The following HS3ST3A1 variants were observed in gnomAD, a reference collection of about 807,000 sequenced individuals.
HS3ST3A1 encodes heparan sulfate glucosamine 3-O-sulfotransferase 3A1.
A neutral mutation model predicts 25.7 loss-of-function variants in HS3ST3A1; 19 were observed. That is an observed-to-expected ratio of 0.74 (90% CI 0.52 to 1.08). The LOEUF is 1.08. Ranked by LOEUF, HS3ST3A1 falls within the 50% of genes least tolerant of loss-of-function variation. The pLI is 0.00. For synonymous variants in HS3ST3A1, 226 were observed against 278.6 expected (o/e 0.81, Z 1.88); for missense variants, 459 against 594.3 (o/e 0.77, Z 2.37).
intron 1 of HS3ST3A1, among the ~76,000 whole-genome samples, chr17:13,595,083 C>G (rs1908540557): frequency 6.7e-6 from 1 of 148,738 alleles, no homozygotes; most frequent in South Asian, 2.1e-4. Context: ...TTAAACACTT[C>G]CCCGTCTCTT....
chr17:13,526,348 G>A (rs9903786), intron 1 of HS3ST3A1, among the ~76,000 whole-genome samples: 67,363 of 150,366 alleles, frequency 0.45, 15,631 homozygotes, highest in African/African-American at 0.58. Flanking sequence ...TTCTTTTTCC[G>A]TTACTGACAG....
At chr17:13,552,665 C>T (rs1190154963) in intron 1 of HS3ST3A1, among the ~76,000 whole-genome samples, 1 of 152,166 alleles carries the variant, frequency 6.6e-6, no homozygotes, top group Non-Finnish European at 1.5e-5. Flanking sequence ...GTTGGAGGAA[C>T]AGTGCTGAAC....
chr17:13,528,841 G>T (rs181189528), intron 1 of HS3ST3A1, among the ~76,000 whole-genome samples: 1 of 151,894 alleles, frequency 6.6e-6, no homozygotes. Context: ...TTCAAGCAGC[G>T]GGATGGACAC....
intron 1 of HS3ST3A1, among the ~76,000 whole-genome samples, chr17:13,566,242 T>C (rs1048764462): frequency 2.0e-5 from 3 of 152,196 alleles, no homozygotes; most frequent in African/African-American, 7.2e-5. Context: ...GTATCTGTTA[T>C]GGTGATCTGT....
chr17:13,585,977 T>C lies in HS3ST3A1; in HGVS notation c.599+14554A>G, dbSNP rs144823064. ...CAATTCCCCTACCTCAGCCTCCAAG[T>C]AGCTGGGACTACGGGCGCGGACTAC... On this transcript the variant is annotated intron_variant, in intron 1 of 1. Coordinates refer to ENST00000284110, the MANE Select transcript of HS3ST3A1 (RefSeq NM_006042.3). Among the ~76,000 whole-genome samples the C allele has an allele frequency of 7.4e-3, 1,124 of 151,200 alleles. 7 individuals carry two copies. The highest frequency in any genetic ancestry group is 0.031 in the Middle Eastern group (9 of 292).
intron 1 of HS3ST3A1, among the ~76,000 whole-genome samples, chr17:13,511,445 C>A (rs1168932981): frequency 2.0e-5 from 3 of 152,054 alleles, no homozygotes; most frequent in Non-Finnish European, 2.9e-5. Context: ...TCCAGTGCTT[C>A]CTATCAGAGA....
intron 1 of HS3ST3A1, among the ~76,000 whole-genome samples, chr17:13,502,546 T>C (rs1387739194): frequency 6.6e-6 from 1 of 152,210 alleles, no homozygotes; most frequent in Non-Finnish European, 1.5e-5. Context: ...CCATTTGCCC[T>C]GAATTCTCAT....
intron 1 of HS3ST3A1, among the ~76,000 whole-genome samples, chr17:13,541,055 C>A (rs2142344131): frequency 6.6e-6 from 1 of 152,256 alleles, no homozygotes; most frequent in Admixed American, 6.5e-5. Flanking sequence ...TTGTTTTAAA[C>A]TGAAAGCTAT....
At chr17:13,513,997 C>A (rs1472364949) in intron 1 of HS3ST3A1, among the ~76,000 whole-genome samples, 1 of 152,012 alleles carries the variant, frequency 6.6e-6, no homozygotes, top group Non-Finnish European at 1.5e-5. Context: ...TAAATTGCTT[C>A]TAGTAAGCAT....
intron 1 of HS3ST3A1, among the ~76,000 whole-genome samples, chr17:13,579,570 G>A (rs563989141): frequency 8.4e-4 from 127 of 151,574 alleles, no homozygotes; most frequent in Middle Eastern, 3.4e-3. Flanking sequence ...GGCAGGTGGC[G>A]CATACCTGTA....
chr17:13,579,504 C>T (rs1291204315), intron 1 of HS3ST3A1, among the ~76,000 whole-genome samples: 1 of 151,682 alleles, frequency 6.6e-6, no homozygotes, highest in East Asian at 1.9e-4. Context: ...AGTTCCAGAC[C>T]AACCTGGCCA....
intron 1 of HS3ST3A1, among the ~76,000 whole-genome samples, chr17:13,531,539 C>T (rs1281038384): frequency 6.6e-6 from 1 of 151,700 alleles, no homozygotes; most frequent in Non-Finnish European, 1.5e-5. Context: ...TCTCCTTCCC[C>T]ACCCCCACCC....
At chr17:13,556,902 G>A (rs1034836156) in intron 1 of HS3ST3A1, among the ~76,000 whole-genome samples, 5 of 149,096 alleles carry the variant, frequency 3.4e-5, no homozygotes, top group African/African-American at 1.2e-4. Flanking sequence ...AATGCACTCA[G>A]AAACTCAATG....
At chr17:13,557,624 G>A (rs1907417240) in intron 1 of HS3ST3A1, among the ~76,000 whole-genome samples, 1 of 152,024 alleles carries the variant, frequency 6.6e-6, no homozygotes, top group African/African-American at 2.4e-5. Context: ...GAGGTGAGCA[G>A]GAAAAAAGGA....
At chr17:13,596,071 A>G (rs962402959) in intron 1 of HS3ST3A1, among the ~76,000 whole-genome samples, 2 of 152,160 alleles carry the variant, frequency 1.3e-5, no homozygotes, top group East Asian at 1.9e-4. Context: ...TATTTTGGCC[A>G]GGGTATTTTC....
At chr17:13,582,528 C>T (rs1290122335) in intron 1 of HS3ST3A1, among the ~76,000 whole-genome samples, 1 of 152,144 alleles carries the variant, frequency 6.6e-6, no homozygotes, top group Non-Finnish European at 1.5e-5. Flanking sequence ...GCTTTATTTG[C>T]TTTTTTATAA....
chr17:13,536,340 TA>T (rs935724035), intron 1 of HS3ST3A1, among the ~76,000 whole-genome samples: 40 of 152,322 alleles, frequency 2.6e-4, no homozygotes, highest in Admixed American at 2.0e-3. Context: ...AGTCAAGGGC[TA>T]ATTTATGGAA....
intron 1 of HS3ST3A1, among the ~76,000 whole-genome samples, chr17:13,541,883 A>C (rs925947354): frequency 3.9e-5 from 6 of 152,192 alleles, no homozygotes; most frequent in Non-Finnish European, 8.8e-5. Context: ...GTTTCTGTAC[A>C]TGTAGTAAAG....
chr17:13,591,661 C>CTTTT lies in HS3ST3A1; in HGVS notation c.599+8866_599+8869dup, dbSNP rs34995100. On this transcript the variant is annotated intron_variant, in intron 1 of 1. Coordinates refer to ENST00000284110, the MANE Select transcript of HS3ST3A1 (RefSeq NM_006042.3). ...TGCCCAAATTTCCTTTTTTCTTCTT[C>CTTTT]TTTTTTTTTTTTTTTGGGACAGAGT... is the stretch of plus-strand genomic sequence containing the variant. Among the ~76,000 whole-genome samples the CTTTT allele has an allele frequency of 2.1e-5, 3 of 142,262 alleles. 1 individual carries two copies. 93.3% of individuals were successfully genotyped at this position (142,262 alleles called of 152,430 possible).
Sources: gnomAD v4.1 joint callset for allele counts (sites outside exome capture counted in the v4.1 genomes callset) on GRCh38, gnomAD v4.1.1 for gene constraint, MANE v1.5 for transcripts, NCBI Gene and HGNC (gene_info 2026-07-23, HGNC 2026-07-21) for gene names.